Variants in TSPAN18 observed in about 807,000 individuals in gnomAD.
TSPAN18 encodes tetraspanin-18.
A neutral mutation model predicts 27.3 loss-of-function variants in TSPAN18; 14 were observed. The ratio of observed to expected loss-of-function variants is 0.51; its 90% CI spans 0.34 to 0.80. TSPAN18 has a LOEUF of 0.80. Among genes scored for constraint, TSPAN18 ranks in the 30% least tolerant of loss-of-function variants. The pLI, the probability that TSPAN18 is intolerant of heterozygous loss-of-function variation, is 0.01. For synonymous variants in TSPAN18, 143 were observed against 136.5 expected (o/e 1.05, Z -0.33); for missense variants, 268 against 323.9 (o/e 0.83, Z 1.32).
chr11:44,760,820 G>A (rs1040188739), intron 1 of TSPAN18, among the ~76,000 whole-genome samples: 2 of 152,146 alleles, frequency 1.3e-5, no homozygotes, highest in African/African-American at 4.8e-5. Flanking sequence ...ACATCTTAAT[G>A]TCTCTAAAAC....
intron 2 of TSPAN18, among the ~76,000 whole-genome samples, chr11:44,805,044 TG>T (rs1856562553): frequency 6.6e-6 from 1 of 152,118 alleles, no homozygotes; most frequent in Non-Finnish European, 1.5e-5. Context: ...CGCCCTTGGT[TG>T]GGGGAATCAG....
intron 2 of TSPAN18, among the ~76,000 whole-genome samples, chr11:44,811,055 A>T (rs1856702284): frequency 6.6e-6 from 1 of 151,988 alleles, no homozygotes; most frequent in African/African-American, 2.4e-5. Flanking sequence ...ATCCCAAAAC[A>T]ATAGCAGGCT....
chr11:44,911,839 G>T (rs960039987), intron 5 of TSPAN18, among the ~76,000 whole-genome samples: 1 of 152,240 alleles, frequency 6.6e-6, no homozygotes, highest in African/African-American at 2.4e-5. Flanking sequence ...CCAGGGGTAG[G>T]AGATGTGTCC....
rs142923237 is a variant in TSPAN18, at chr11:44,842,867, C to T, written c.-152-17461C>T. Among the ~76,000 whole-genome samples, 28 of 152,284 alleles carry T rather than the reference C, an allele frequency of 1.8e-4. No homozygotes were observed. In the South Asian group the frequency reaches 2.7e-3, roughly 15 times the overall value. ...AAAGTATAGAATGTTCCCATCCCTC[C>T]AGCCCAGAAGGCTCTCCTATGCCCC... is the stretch of plus-strand genomic sequence containing the variant. On this transcript the variant is annotated intron_variant, in intron 2 of 9. Coordinates refer to ENST00000520358, the MANE Select transcript of TSPAN18 (RefSeq NM_130783.5).
chr11:44,901,421 G>A (rs1859258962), intron 3 of TSPAN18: 1 of 152,274 alleles, frequency 6.6e-6, no homozygotes, highest in East Asian at 1.9e-4. Context: ...GCTGAAGCTG[G>A]ATCCTACCCT....
At chr11:44,755,610 C>T (rs1855313679) in intron 1 of TSPAN18, among the ~76,000 whole-genome samples, 1 of 152,076 alleles carries the variant, frequency 6.6e-6, no homozygotes, top group Admixed American at 6.5e-5. Context: ...CCCACACCAA[C>T]CCCCTATGTA....
At chr11:44,919,699 G>C in intron 7 of TSPAN18, 118 bp from the exon 8 acceptor site, 1 of 1,029,340 alleles carries the variant, frequency 9.7e-7, no homozygotes, top group South Asian at 1.3e-5. Context: ...GACAGGTGGA[G>C]CCCGCCCACA....
At chr11:44,730,624 CT>C (rs1277542808) in intron 1 of TSPAN18, among the ~76,000 whole-genome samples, 3,107 of 140,386 alleles carry the variant, frequency 0.022, 65 homozygotes, top group African/African-American at 0.061. Context: ...TCATGAAACA[CT>C]TTTTTTTTTT....
At chr11:44,785,225 A>G (rs998725470) in intron 2 of TSPAN18, among the ~76,000 whole-genome samples, 1 of 152,200 alleles carries the variant, frequency 6.6e-6, no homozygotes, top group African/African-American at 2.4e-5. Flanking sequence ...CACCAACCAG[A>G]TCCAGAGACA....
At chr11:44,887,012 G>A (rs1224813507) in intron 3 of TSPAN18, among the ~76,000 whole-genome samples, 5 of 152,234 alleles carry the variant, frequency 3.3e-5, no homozygotes, top group Non-Finnish European at 7.3e-5. Flanking sequence ...GTTGTTGGAA[G>A]AATTTACTCT....
intron 2 of TSPAN18, among the ~76,000 whole-genome samples, chr11:44,775,180 C>A (rs930857408): frequency 7.9e-5 from 12 of 152,304 alleles, no homozygotes; most frequent in Non-Finnish European, 1.5e-4. Flanking sequence ...TTCCTATAGA[C>A]AATGACTCAA....
chr11:44,749,239 T>C (rs945603466), intron 1 of TSPAN18, among the ~76,000 whole-genome samples: 2 of 152,258 alleles, frequency 1.3e-5, no homozygotes, highest in African/African-American at 2.4e-5. Context: ...GAGTCTCTTA[T>C]CCTCTGATGC....
intron 2 of TSPAN18, among the ~76,000 whole-genome samples, chr11:44,796,479 A>G (rs1452205232): frequency 1.3e-5 from 2 of 152,268 alleles, no homozygotes; most frequent in East Asian, 3.9e-4. Flanking sequence ...AGGGTCGGTC[A>G]TGGGGACTGG....
At chr11:44,825,336 C>G (rs115548202) in intron 2 of TSPAN18, among the ~76,000 whole-genome samples, 148 of 152,278 alleles carry the variant, frequency 9.7e-4, no homozygotes, top group Middle Eastern at 3.4e-3. Flanking sequence ...GACTTTTTCC[C>G]CATTTCACAA....
intron 3 of TSPAN18, among the ~76,000 whole-genome samples, chr11:44,883,855 A>G (rs780365535): frequency 1.3e-5 from 2 of 152,250 alleles, no homozygotes; most frequent in Non-Finnish European, 2.9e-5. Context: ...CAGTGACTTC[A>G]CATCTCTGTG....
At chr11:44,764,924 C>T (rs115048176) in intron 2 of TSPAN18, among the ~76,000 whole-genome samples, 45 of 152,290 alleles carry the variant, frequency 3.0e-4, no homozygotes, top group African/African-American at 1.0e-3. Context: ...GATTACCTTC[C>T]CTCTGCCCTC....
chr11:44,731,633 T>TGTGAGAGAGAGAGAGA (rs139154582), intron 1 of TSPAN18, among the ~76,000 whole-genome samples: 5 of 107,384 alleles, frequency 4.7e-5, no homozygotes, highest in African/African-American at 1.8e-4. Context: ...TGTGTGTGTG[T>TGTGAGAGAGAGAGAGA]GAGAGAGAGA....
At chr11:44,828,882 C>T (rs1177072222) in intron 2 of TSPAN18, among the ~76,000 whole-genome samples, 3 of 152,192 alleles carry the variant, frequency 2.0e-5, no homozygotes, top group Admixed American at 6.5e-5. Flanking sequence ...TGAATCTACC[C>T]TCTTCTCTCC....
intron 3 of TSPAN18, among the ~76,000 whole-genome samples, chr11:44,906,044 G>A (rs532956937): frequency 5.9e-5 from 9 of 152,180 alleles, no homozygotes; most frequent in African/African-American, 1.9e-4. Flanking sequence ...AACGTGAAGC[G>A]GGACTGCTGA....
Sources: allele counts gnomAD v4.1 joint callset (sites outside exome capture counted in the v4.1 genomes callset), GRCh38; gene constraint gnomAD v4.1.1; transcripts MANE v1.5; gene names NCBI Gene and HGNC (gene_info 2026-07-23, HGNC 2026-07-21).